NRXN2: variants seen among roughly 807,000 people sequenced by gnomAD.
NRXN2 encodes neurexin-2-beta.
NRXN2 carries 29 observed loss-of-function variants against 128.8 expected under a neutral mutation model. The observed-to-expected ratio is 0.23, with a 90% CI of 0.17 to 0.31. The LOEUF (loss-of-function observed/expected upper bound fraction) is 0.31, where lower values mean the gene tolerates loss of function less well. Ranked by LOEUF, NRXN2 falls within the 10% of genes least tolerant of loss-of-function variation. The pLI is 1.00. For synonymous variants in NRXN2, 1,098 were observed against 1,075.2 expected, an observed-to-expected ratio of 1.02 and a Z score of -0.41; for missense variants, 1,881 against 2,452.6, an observed-to-expected ratio of 0.77 and a Z score of 4.92.
At chr11:64,621,266 C>T (rs2042304587) in intron 21 of NRXN2, among the ~76,000 whole-genome samples, 1 of 152,204 alleles carries the variant, frequency 6.6e-6, no homozygotes, top group Non-Finnish European at 1.5e-5. Flanking sequence ...GCTTCCCCAC[C>T]ACAGCAGTGA....
rs1426261124 is a variant in NRXN2, at chr11:64,630,358, C to T, written c.3757+44G>A. On this transcript the variant is annotated intron_variant, in intron 19 of 22. Transcript: ENST00000265459. The surrounding 1 kb of genome is among the most constrained non-coding windows in gnomAD (Gnocchi z 4.6). ...GCCGCACTCCTATCAGAGGCCGCCA[C>T]CCGCCCCGCCACCGCGCCTCCTCCG... 1 of 1,580,472 alleles carries T rather than the reference C, an allele frequency of 6.3e-7. No individual in the cohort carries two copies. Among genetic ancestry groups the T allele is most frequent in the Non-Finnish European group, 8.6e-7 (1 of 1,165,290 alleles).
In NRXN2 at chr11:64,632,079, GGCT is replaced by G. The variant is rs968333419; in HGVS notation, c.3586-1509_3586-1507del. 6.6e-6 allele frequency among the ~76,000 whole-genome samples: 1 copy of G among 152,232 alleles called. No homozygotes were observed. The highest frequency in any genetic ancestry group is 2.4e-5 in the African/African-American group (1 of 41,450). On this transcript the variant is annotated intron_variant, in intron 18 of 22. Transcript: ENST00000265459. The surrounding 1 kb of genome is among the most constrained non-coding windows in gnomAD (Gnocchi z 4.2). ...CTTCCTGCATCTAGCAGAGCCGAGA[GGCT>G]TGGTGGCACTGGGGGTGTTGGCAGG...
At chr11:64,654,172 C>A (rs1227543892) in intron 11 of NRXN2, among the ~76,000 whole-genome samples, 1 of 152,090 alleles carries the variant, frequency 6.6e-6, no homozygotes, top group Non-Finnish European at 1.5e-5. Flanking sequence ...CTCCTCAGAG[C>A]CCAGGTGTGA....
chr11:64,628,303 A>G (rs1334356025), intron 19 of NRXN2, among the ~76,000 whole-genome samples: 1 of 152,182 alleles, frequency 6.6e-6, no homozygotes, highest in Non-Finnish European at 1.5e-5. Context: ...TGGGAGATCC[A>G]GGATTAAAAC....
intron 3 of NRXN2, among the ~76,000 whole-genome samples, chr11:64,694,196 C>T (rs983206937): frequency 6.6e-6 from 1 of 152,226 alleles, no homozygotes; most frequent in African/African-American, 2.4e-5. Context: ...AGAGCCCCCC[C>T]AGCCCCACTC....
chr11:64,710,675 C>A (rs892247800), intron 2 of NRXN2, among the ~76,000 whole-genome samples: 2 of 152,096 alleles, frequency 1.3e-5, no homozygotes, highest in African/African-American at 4.8e-5. Context: ...ACCAGAGGAT[C>A]AAATTAAGGT....
chr11:64,720,320 C>T (rs1386437130), intron 1 of NRXN2, among the ~76,000 whole-genome samples: 3 of 152,316 alleles, frequency 2.0e-5, no homozygotes, highest in Non-Finnish European at 2.9e-5. Context: ...GGGAGCTGCA[C>T]CAACAGATGG....
At chr11:64,673,224 A>G (rs997796073) in intron 7 of NRXN2, among the ~76,000 whole-genome samples, 9 of 152,236 alleles carry the variant, frequency 5.9e-5, no homozygotes, top group African/African-American at 2.2e-4. Context: ...AGCTATTCAA[A>G]GAGTCCCAGT....
intron 20 of NRXN2, among the ~76,000 whole-genome samples, chr11:64,625,617 C>T (rs1013795050): frequency 1.3e-5 from 2 of 152,130 alleles, no homozygotes; most frequent in South Asian, 4.1e-4. Flanking sequence ...CTACTTCCCC[C>T]CTAGAGTTTA....
At chr11:64,712,949 C>T (rs946191476) in intron 2 of NRXN2, 21 bp downstream of exon 2, 3 of 1,500,174 alleles carry the variant, frequency 2.0e-6, no homozygotes, top group African/African-American at 1.4e-5. Context: ...AGGCACCGGG[C>T]GGCCGCTCCC....
intron 19 of NRXN2, among the ~76,000 whole-genome samples, chr11:64,628,012 T>A (rs560954370): frequency 1.3e-5 from 2 of 152,132 alleles, no homozygotes; most frequent in Admixed American, 1.3e-4. Context: ...GCTTTCCCTA[T>A]AGATTCAGGA....
intron 22 of NRXN2, among the ~76,000 whole-genome samples, chr11:64,612,893 G>T (rs1026566708): frequency 2.0e-5 from 3 of 152,240 alleles, no homozygotes; most frequent in African/African-American, 7.2e-5. Flanking sequence ...GTACCTTCAT[G>T]CAATATTGGA....
intron 7 of NRXN2, chr11:64,675,517 C>T (rs1485826069): frequency 1.3e-5 from 2 of 152,228 alleles, no homozygotes; most frequent in African/African-American, 2.4e-5. Context: ...CGGGAGCAGA[C>T]ACGTCCATCT....
At chr11:64,690,636 G>T (rs1243983347) in intron 4 of NRXN2, among the ~76,000 whole-genome samples, 160 bp from the exon 5 acceptor site, 5 of 152,120 alleles carry the variant, frequency 3.3e-5, no homozygotes, top group Admixed American at 3.3e-4. Context: ...AGACCTCTAA[G>T]GAAGGAGCCG....
chr11:64,693,681 A>G (rs915072137), intron 3 of NRXN2, among the ~76,000 whole-genome samples: 4 of 152,130 alleles, frequency 2.6e-5, no homozygotes, highest in Non-Finnish European at 5.9e-5. Flanking sequence ...GGGTTCTAAG[A>G]GGAAACTGGG....
rs1248471781 is a variant in NRXN2, at chr11:64,606,871, C to G, written c.*325G>C. On this transcript the variant is annotated 3_prime_UTR_variant, in exon 23 of 23. Coordinates refer to ENST00000265459, the MANE Select transcript of NRXN2 (RefSeq NM_015080.4). ...GTGGACACTTTACAAAACCCCCAGC[C>G]TTCCTTCCCACCCAACCCCACCAAA... The G allele has an allele frequency of 9.1e-6, 3 of 328,654 alleles. No homozygotes were observed. The highest frequency in any genetic ancestry group is 4.3e-5 in the Admixed American group (1 of 23,036). The allele number at this position is 328,654 out of a possible 1,614,324, so 20.4% of individuals were successfully genotyped here.
intron 2 of NRXN2, among the ~76,000 whole-genome samples, chr11:64,709,990 C>G (rs543199071): frequency 6.6e-6 from 1 of 151,734 alleles, no homozygotes; most frequent in South Asian, 2.1e-4. Context: ...TCACTGCAAC[C>G]TACACCTCCC....
At chr11:64,620,728 C>G (rs2042211194) in intron 21 of NRXN2, among the ~76,000 whole-genome samples, 1 of 149,156 alleles carries the variant, frequency 6.7e-6, no homozygotes, top group Admixed American at 6.7e-5. Context: ...GCCAGGGAGG[C>G]AAGGCCCTAT....
At position 64,651,852 on chromosome 11, in the gene NRXN2, G is replaced by A. The variant is rs2047498973; in HGVS notation, c.2536+183C>T. On this transcript the variant is annotated intron_variant, in intron 13 of 22. Coordinates refer to ENST00000265459, the MANE Select transcript of NRXN2 (RefSeq NM_015080.4). The surrounding 1 kb of genome is among the most constrained non-coding windows in gnomAD (Gnocchi z 5.9). ...CTGCCAGGGGAATGCTGCCTACAGG[G>A]AGTTGAAATCGTTCCTGGGGTCCAG... 6.6e-6 allele frequency among the ~76,000 whole-genome samples: 1 copy of A among 152,176 alleles called. No individual in the cohort carries two copies. Among genetic ancestry groups the A allele is most frequent in the African/African-American group, 2.4e-5 (1 of 41,432 alleles).
Sources: allele counts gnomAD v4.1 joint callset (sites outside exome capture counted in the v4.1 genomes callset), GRCh38; gene constraint gnomAD v4.1.1; non-coding constraint Gnocchi (gnomAD v3.1); transcripts MANE v1.5; gene names NCBI Gene and HGNC (gene_info 2026-07-23, HGNC 2026-07-21).